FOXJ2: variants seen among roughly 807,000 people sequenced by gnomAD.
FOXJ2 encodes forkhead box J2.
Under a neutral mutation model 68.4 loss-of-function variants are expected in FOXJ2, and 18 were observed. The ratio of observed to expected loss-of-function variants is 0.26; its 90% CI spans 0.18 to 0.39. The LOEUF (loss-of-function observed/expected upper bound fraction) is 0.39. FOXJ2 is among the 10% of genes least tolerant of loss of function. FOXJ2 has a pLI of 1.00. For synonymous variants in FOXJ2, 274 were observed against 263.2 expected (o/e 1.04, Z -0.40); for missense variants, 670 against 726.5 (o/e 0.92, Z 0.89).
chr12:8,050,653 G>T, intron 10 of FOXJ2, 33 bp downstream of exon 10: 1 of 1,611,086 alleles, frequency 6.2e-7, no homozygotes, highest in Non-Finnish European at 8.5e-7. Context: ...CAAAACCGTT[G>T]TACTCTGATG....
Position 8,040,315 on chromosome 12 carries a change from CT to C in FOXJ2, c.333+158del, listed in dbSNP as rs1257814275. ...AAAATCTCATATGTTCTGCCCTCTA[CT>C]TTTTTTTCAGAGTTGAACAACTTTT... On this transcript the variant is annotated intron_variant, in intron 2 of 10. Transcript: ENST00000162391. The surrounding 1 kb of genome is among the most constrained non-coding windows in gnomAD (Gnocchi z 4.0). 2.6e-5 allele frequency: 22 copies of C among 841,492 alleles called. No individual in the cohort carries two copies. Among genetic ancestry groups the C allele is most frequent in the Middle Eastern group, 3.6e-4 (1 of 2,802 alleles). The allele number at this position is 841,492 out of a possible 1,614,324, so 52.1% of individuals were successfully genotyped here.
rs1197724416 is a variant in FOXJ2 at position 8,052,948 on chromosome 12, T to C, written c.*98T>C. ...CCCGTCCCTTCCCCCCGTCTGTATA[T>C]AGACATATATCCTCTTTTTGTTCTT... On this transcript the variant is annotated 3_prime_UTR_variant, in exon 11 of 11. Transcript: ENST00000162391. The C allele has an allele frequency of 5.0e-6, 4 of 807,686 alleles. No individual in the cohort carries two copies. The African/African-American group carries it at 5.1e-5, about 10-fold the overall frequency. 50.0% of individuals were successfully genotyped at this position (807,686 alleles called of 1,614,324 possible).
At position 8,039,684 on chromosome 12, in the gene FOXJ2, G is replaced by C. The variant is rs1200310523; in HGVS notation, c.-14-135G>C. ...AGATAGATCTGCTTGGGGATTCTGG[G>C]AACACCTGGTGGAAGGCCATGCCAT... On this transcript the variant is annotated intron_variant, in intron 1 of 10. Coordinates refer to ENST00000162391, the MANE Select transcript of FOXJ2 (RefSeq NM_018416.3). The C allele has an allele frequency of 2.9e-5, 21 of 722,128 alleles. No individual in the cohort carries two copies. The East Asian group carries it at 4.4e-4, about 15-fold the overall frequency. 44.7% of individuals were successfully genotyped at this position (722,128 alleles called of 1,614,324 possible). A position where few individuals can be genotyped will look rare whatever the true frequency, so the allele number is the denominator to read the frequency against.
At chr12:8,052,463 C>A (rs1160410726) in intron 10 of FOXJ2, among the ~76,000 whole-genome samples, 1 of 152,218 alleles carries the variant, frequency 6.6e-6, no homozygotes, top group Non-Finnish European at 1.5e-5. Context: ...CGTGATCCGC[C>A]TGCCTTGGCC....
Position 8,048,696 on chromosome 12 carries a change from GCCTTT to G in FOXJ2, c.1230_1234del (p.Pro411Ter), listed in dbSNP as rs1298404592. The G allele has an allele frequency of 1.9e-6, 3 of 1,613,470 alleles. No homozygotes were observed. Among genetic ancestry groups the G allele is most frequent in the Non-Finnish European group, 2.5e-6 (3 of 1,179,608 alleles). ...TATCCACTTTCCCCTCCTCTTTACAGCCTTTCCTTCTGACTGGTGCTCTAATATTG... is the reference window on the plus strand; with the variant it reads ...TATCCACTTTCCCCTCCTCTTTACAGCCTTCTGACTGGTGCTCTAATATTG... On this transcript the variant is annotated frameshift_variant and splice_region_variant, in exon 8 of 11. Coordinates refer to ENST00000162391, the MANE Select transcript of FOXJ2 (RefSeq NM_018416.3). LOFTEE classifies it high-confidence loss of function.
intron 1 of FOXJ2, among the ~76,000 whole-genome samples, chr12:8,039,355 G>A (rs1946936557): frequency 6.6e-6 from 1 of 152,116 alleles, no homozygotes; most frequent in South Asian, 2.1e-4. Flanking sequence ...TTGTATTTAG[G>A]TAGACTTTTG....
In FOXJ2 at chr12:8,042,822, C is replaced by T. The variant is rs1946982506; in HGVS notation, c.408+90C>T. On this transcript the variant is annotated intron_variant, in intron 3 of 10. Coordinates refer to ENST00000162391, the MANE Select transcript of FOXJ2 (RefSeq NM_018416.3). ...GAGTCCTGTGGCTGTTTTAATTACC[C>T]AGAAGAGGAAATCATGCTAATTAGA... 5.6e-6 allele frequency: 6 copies of T among 1,064,974 alleles called. No individual in the cohort carries two copies. In the South Asian group the frequency reaches 8.0e-5, roughly 14 times the overall value. 66.0% of individuals were successfully genotyped at this position (1,064,974 alleles called of 1,614,324 possible). A position where few individuals can be genotyped will look rare whatever the true frequency, so the allele number is the denominator to read the frequency against.
At position 8,033,821 on chromosome 12, in the gene FOXJ2, A is replaced by G. The variant is rs752320193; in HGVS notation, c.-27A>G. ...GTGGTTCCCTCCCTTTGCCGGAGGAACCTTGGAGACAGGTTAGTGCTTTCT... is the reference window on the plus strand; with the variant it reads ...GTGGTTCCCTCCCTTTGCCGGAGGAGCCTTGGAGACAGGTTAGTGCTTTCT... On this transcript the variant is annotated 5_prime_UTR_variant, in exon 1 of 11. Coordinates refer to ENST00000162391, the MANE Select transcript of FOXJ2 (RefSeq NM_018416.3). 1 of 152,722 alleles carries G rather than the reference A, an allele frequency of 6.5e-6. No homozygotes were observed. The highest frequency in any genetic ancestry group is 1.9e-4 in the East Asian group (1 of 5,176). The allele number at this position is 152,722 out of a possible 1,614,324, so 9.5% of individuals were successfully genotyped here.
rs749432564 is a variant in FOXJ2 at position 8,054,946 on chromosome 12, A to G, written c.*2096A>G. On this transcript the variant is annotated 3_prime_UTR_variant, in exon 11 of 11. Coordinates refer to ENST00000162391, the MANE Select transcript of FOXJ2 (RefSeq NM_018416.3). Reference sequence around the variant, plus strand: ...TGCAAGGGTAGGATCATACATGCAAATGCCCCTTGTTCATCTGTGTCTTCT... The same window carrying G: ...TGCAAGGGTAGGATCATACATGCAAGTGCCCCTTGTTCATCTGTGTCTTCT... 5.3e-5 allele frequency: 8 copies of G among 152,306 alleles called. No homozygotes were observed. The East Asian group carries it at 1.5e-3, about 29-fold the overall frequency. 9.4% of individuals were successfully genotyped at this position (152,306 alleles called of 1,614,324 possible). A position where few individuals can be genotyped will look rare whatever the true frequency, so the allele number is the denominator to read the frequency against.
At chr12:8,041,396 G>C (rs1197523801) in intron 2 of FOXJ2, among the ~76,000 whole-genome samples, 1 of 151,366 alleles carries the variant, frequency 6.6e-6, no homozygotes, top group Non-Finnish European at 1.5e-5. Context: ...ATAGAGACGG[G>C]GTTTCACCAT....
chr12:8,049,744 T>A (rs1042817460), intron 9 of FOXJ2, 173 bp downstream of exon 9: 32 of 558,018 alleles, frequency 5.7e-5, no homozygotes, highest in African/African-American at 5.6e-4. Context: ...AGTCCTAAAC[T>A]GAAAAATGCA....
Position 8,033,466 on chromosome 12 carries a change from A to G in FOXJ2, c.-382A>G, listed in dbSNP as rs1259760476. The G allele has an allele frequency of 6.5e-6, 1 of 152,824 alleles. No homozygotes were observed. The highest frequency in any genetic ancestry group is 1.5e-5 in the Non-Finnish European group (1 of 68,236). The allele number at this position is 152,824 out of a possible 1,614,324, so 9.5% of individuals were successfully genotyped here. A position where few individuals can be genotyped will look rare whatever the true frequency, so the allele number is the denominator to read the frequency against. ...GAGCCCCTCCGCTCCTATCTCCAGC[A>G]GACAGAAAGAGCCCTCCACCTCAGA... On this transcript the variant is annotated 5_prime_UTR_variant, in exon 1 of 11. Coordinates refer to ENST00000162391, the MANE Select transcript of FOXJ2 (RefSeq NM_018416.3).
chr12:8,047,398 G>A (rs997887487), intron 6 of FOXJ2, among the ~76,000 whole-genome samples: 7 of 152,038 alleles, frequency 4.6e-5, no homozygotes, highest in African/African-American at 1.2e-4. Context: ...GCGGTGAGCC[G>A]AGATCGCACC....
At chr12:8,036,431 C>T (rs1165713244) in intron 1 of FOXJ2, among the ~76,000 whole-genome samples, 3 of 152,146 alleles carry the variant, frequency 2.0e-5, no homozygotes, top group African/African-American at 4.8e-5. Flanking sequence ...CATTAGACGT[C>T]GTGTGGATGT....
At chr12:8,047,441 C>T (rs1240082657) in intron 6 of FOXJ2, among the ~76,000 whole-genome samples, 1 of 151,860 alleles carries the variant, frequency 6.6e-6, no homozygotes, top group Non-Finnish European at 1.5e-5. Flanking sequence ...AAGAGCGAAA[C>T]TCTGTCTCAA....
In FOXJ2 at chr12:8,052,790, G is replaced by A. The variant is rs1310129792; in HGVS notation, c.1665G>A (p.Val555=). 6.2e-7 allele frequency: 1 copy of A among 1,610,430 alleles called. No homozygotes were observed. Among genetic ancestry groups the A allele is most frequent in the East Asian group, 2.2e-5 (1 of 44,818 alleles). ...PAHHMVPRPS[V]PPPGANEEIP... is the part of the protein sequence containing the mutation. ...ACCATATGGTCCCTCGGCCATCAGT[G>A]CCACCTCCTGGTGCCAATGAGGAGA... The change falls in exon 11 of 11, where the codon GTG becomes GTA. Residue 555 remains valine, a synonymous_variant. Transcript: ENST00000162391.
rs112347908 is a variant in FOXJ2, at chr12:8,044,721, C to A, written c.619-39C>A. The A allele has an allele frequency of 1.6e-5, 26 of 1,608,876 alleles. No homozygotes were observed. In the African/African-American group the frequency reaches 2.1e-4, roughly 13 times the overall value. On this transcript the variant is annotated intron_variant, in intron 5 of 10. Transcript: ENST00000162391. ...TTGAAGGGTTTTATTGGTCCCTCAGCTGGGACACTGATCAGGAATTTCTTA... is the reference window on the plus strand; with the variant it reads ...TTGAAGGGTTTTATTGGTCCCTCAGATGGGACACTGATCAGGAATTTCTTA...
At position 8,050,328 on chromosome 12, in the gene FOXJ2, A is replaced by G. The variant is rs552421156; in HGVS notation, c.1538-194A>G. 3.8e-5 allele frequency: 52 copies of G among 1,357,806 alleles called. No individual in the cohort carries two copies. The African/African-American group carries it at 5.8e-4, about 15-fold the overall frequency. 84.1% of individuals were successfully genotyped at this position (1,357,806 alleles called of 1,614,324 possible). A position where few individuals can be genotyped will look rare whatever the true frequency, so the allele number is the denominator to read the frequency against. On this transcript the variant is annotated intron_variant, in intron 9 of 10. Transcript: ENST00000162391. ...ATCTTTCCTATTTCACAATTGTACT[A>G]TCCATTTCTTTTTACCCTCAGTGGT... is the stretch of plus-strand genomic sequence containing the variant.
At chr12:8,051,785 G>T (rs1201862868) in intron 10 of FOXJ2, among the ~76,000 whole-genome samples, 1 of 152,134 alleles carries the variant, frequency 6.6e-6, no homozygotes, top group South Asian at 2.1e-4. Flanking sequence ...AATTTTGGGG[G>T]TGACATCTGA....
Sources: allele counts gnomAD v4.1 joint callset (sites outside exome capture counted in the v4.1 genomes callset), GRCh38; gene constraint gnomAD v4.1.1; non-coding constraint Gnocchi (gnomAD v3.1); transcripts MANE v1.5; gene names NCBI Gene and HGNC (gene_info 2026-07-23, HGNC 2026-07-21).